Variants in PARVA observed in about 807,000 individuals in gnomAD.
PARVA encodes parvin alpha, also known as alpha-parvin.
In PARVA, 25 loss-of-function variants were observed where a neutral mutation model predicts 52.6. The observed-to-expected ratio is 0.48, with a 90% CI of 0.35 to 0.66. The LOEUF is 0.66. Among genes scored for constraint, PARVA ranks in the 30% least tolerant of loss-of-function variants. PARVA has a pLI of 0.01. For missense variants in PARVA, 373 were observed against 450.9 expected (o/e 0.83, Z 1.56); for synonymous variants, 185 against 179.1 (o/e 1.03, Z -0.26).
At chr11:12,467,791 C>T (rs1463188398) in intron 1 of PARVA, among the ~76,000 whole-genome samples, 2 of 152,162 alleles carry the variant, frequency 1.3e-5, no homozygotes, top group East Asian at 3.9e-4. Context: ...TTTTCTTGCC[C>T]TCTCTCAGAA....
chr11:12,397,895 G>C (rs1424311048), intron 1 of PARVA, among the ~76,000 whole-genome samples: 2 of 151,076 alleles, frequency 1.3e-5, no homozygotes, highest in Admixed American at 1.3e-4. Flanking sequence ...AGAGGGGCCA[G>C]ATTTCTGACG....
intron 5 of PARVA, among the ~76,000 whole-genome samples, chr11:12,497,794 C>A (rs559063034): frequency 4.6e-5 from 7 of 152,240 alleles, no homozygotes; most frequent in Admixed American, 3.9e-4. Flanking sequence ...CAAGGCAGGG[C>A]AGGGAGGTTG....
intron 7 of PARVA, among the ~76,000 whole-genome samples, chr11:12,510,855 G>A (rs2042730): frequency 6.6e-6 from 1 of 152,062 alleles, no homozygotes; most frequent in Admixed American, 6.5e-5. Flanking sequence ...GAGATTTGGG[G>A]AGGGACACAG....
At chr11:12,423,808 C>T (rs146396174) in intron 1 of PARVA, among the ~76,000 whole-genome samples, 1 of 152,250 alleles carries the variant, frequency 6.6e-6, no homozygotes, top group African/African-American at 2.4e-5. Flanking sequence ...TCTGGAATCA[C>T]TATTTTAGTA....
At chr11:12,472,168 A>T (rs980902229) in intron 1 of PARVA, among the ~76,000 whole-genome samples, 4 of 152,202 alleles carry the variant, frequency 2.6e-5, no homozygotes, top group African/African-American at 9.6e-5. Flanking sequence ...TGGAAGGAGG[A>T]GGATTGTCTT....
intron 1 of PARVA, among the ~76,000 whole-genome samples, chr11:12,405,594 C>T (rs1939892113): frequency 6.6e-6 from 1 of 151,902 alleles, no homozygotes; most frequent in Non-Finnish European, 1.5e-5. Context: ...AAAAAATAAA[C>T]CATAGTGTTT....
At chr11:12,463,869 T>A (rs1227331413) in intron 1 of PARVA, among the ~76,000 whole-genome samples, 1 of 152,226 alleles carries the variant, frequency 6.6e-6, no homozygotes, top group African/African-American at 2.4e-5. Flanking sequence ...ACAATTTATA[T>A]GATAATCCAC....
intron 1 of PARVA, among the ~76,000 whole-genome samples, chr11:12,448,138 C>T (rs1940572872): frequency 6.6e-6 from 1 of 152,140 alleles, no homozygotes; most frequent in Non-Finnish European, 1.5e-5. Context: ...ACCTACCTTA[C>T]AGTAGAGATA....
At chr11:12,477,618 C>T (rs1169412019) in intron 3 of PARVA, among the ~76,000 whole-genome samples, 1 of 151,920 alleles carries the variant, frequency 6.6e-6, no homozygotes. Flanking sequence ...CACAATGGAA[C>T]ACTCCCATAG....
intron 5 of PARVA, among the ~76,000 whole-genome samples, chr11:12,499,726 G>C (rs1422042820): frequency 1.3e-5 from 2 of 152,058 alleles, no homozygotes; most frequent in Non-Finnish European, 2.9e-5. Flanking sequence ...TGCCCACCTA[G>C]AGACAAGAAC....
chr11:12,408,093 C>T (rs1386371277), intron 1 of PARVA, among the ~76,000 whole-genome samples: 1 of 152,220 alleles, frequency 6.6e-6, no homozygotes, highest in Non-Finnish European at 1.5e-5. Context: ...CCTGCCAGTT[C>T]TAAGGTCTGC....
intron 5 of PARVA, among the ~76,000 whole-genome samples, chr11:12,503,355 A>G (rs1382875693): frequency 6.6e-6 from 1 of 152,156 alleles, no homozygotes; most frequent in Non-Finnish European, 1.5e-5. Flanking sequence ...GTGATAATCC[A>G]GAGTTCATGG....
intron 1 of PARVA, among the ~76,000 whole-genome samples, chr11:12,432,021 C>A (rs1012084865): frequency 6.6e-6 from 1 of 152,162 alleles, no homozygotes; most frequent in African/African-American, 2.4e-5. Flanking sequence ...ACTCCTTTCT[C>A]CAAAAGGGAA....
chr11:12,442,572 G>A lies in PARVA; in HGVS notation c.137-31173G>A, dbSNP rs113850995. On this transcript the variant is annotated intron_variant, in intron 1 of 12. Transcript: ENST00000334956. Reference sequence around the variant, plus strand: ...GATGTGGAGGAGATGTAGGGCAGAAGTCTCAGGTACAAGACAAAAAGCCCT... The same window carrying A: ...GATGTGGAGGAGATGTAGGGCAGAAATCTCAGGTACAAGACAAAAAGCCCT... 1.1e-3 allele frequency among the ~76,000 whole-genome samples: 160 copies of A among 152,168 alleles called. 2 individuals carry two copies. Among genetic ancestry groups the A allele is most frequent in the African/African-American group, 3.8e-3 (158 of 41,526 alleles).
intron 1 of PARVA, among the ~76,000 whole-genome samples, chr11:12,459,371 C>T (rs542109738): frequency 2.6e-5 from 4 of 151,256 alleles, no homozygotes; most frequent in Admixed American, 6.6e-5. Context: ...TATTACTGCA[C>T]GCCAGCTTGG....
chr11:12,396,652 G>A (rs1939751282), intron 1 of PARVA, among the ~76,000 whole-genome samples: 1 of 152,214 alleles, frequency 6.6e-6, no homozygotes, highest in Admixed American at 6.5e-5. Flanking sequence ...CCCCTGCCAG[G>A]CATTGCCCAA....
chr11:12,506,723 T>G (rs1941435410), intron 6 of PARVA, among the ~76,000 whole-genome samples: 1 of 152,194 alleles, frequency 6.6e-6, no homozygotes, highest in South Asian at 2.1e-4. Context: ...TATGGGGTGT[T>G]TTTGCTTTAT....
chr11:12,454,735 C>G (rs1356507320), intron 1 of PARVA, among the ~76,000 whole-genome samples: 1 of 152,148 alleles, frequency 6.6e-6, no homozygotes, highest in African/African-American at 2.4e-5. Context: ...CCCTCTGCCC[C>G]TGCTGGAAGA....
In PARVA at chr11:12,530,494, T is replaced by C. The variant is rs1340872271; in HGVS notation, c.*2569T>C. On this transcript the variant is annotated 3_prime_UTR_variant, in exon 13 of 13. Coordinates refer to ENST00000334956, the MANE Select transcript of PARVA (RefSeq NM_018222.5). ...TCAGTTATTTTTAATGCTTAATACA[T>C]ACATGGTGCAAAATTTAAAAAGCGC... 2.0e-5 allele frequency: 3 copies of C among 152,334 alleles called. No homozygotes were observed. Among genetic ancestry groups the C allele is most frequent in the Non-Finnish European group, 1.5e-5 (1 of 68,032 alleles). 9.4% of individuals were successfully genotyped at this position (152,334 alleles called of 1,614,324 possible).
Sources: allele counts gnomAD v4.1 joint callset (sites outside exome capture counted in the v4.1 genomes callset), GRCh38; gene constraint gnomAD v4.1.1; transcripts MANE v1.5; gene names NCBI Gene and HGNC (gene_info 2026-07-23, HGNC 2026-07-21).